The following ESRRG variants were observed in gnomAD, a reference collection of about 807,000 sequenced individuals.
The protein encoded by ESRRG is estrogen related receptor gamma.
Under a neutral mutation model 44.0 loss-of-function variants are expected in ESRRG, and 13 were observed. That is an observed-to-expected ratio of 0.30 (90% CI 0.19 to 0.47). The LOEUF (loss-of-function observed/expected upper bound fraction) is 0.47. Ranked by LOEUF, ESRRG falls within the 20% of genes least tolerant of loss-of-function variation. ESRRG has a pLI of 1.00. For synonymous variants in ESRRG, 215 were observed against 214.6 expected, an observed-to-expected ratio of 1.00 and a Z score of -0.02; for missense variants, 395 against 580.6, an observed-to-expected ratio of 0.68 and a Z score of 3.29.
At chr1:216,690,427 G>A (rs2078853141) in intron 1 of ESRRG, among the ~76,000 whole-genome samples, 1 of 152,110 alleles carries the variant, frequency 6.6e-6, no homozygotes, top group South Asian at 2.1e-4. Flanking sequence ...ATTCTGTGAT[G>A]TTCCAGAACA....
chr1:217,131,332 GA>G (rs113025776), intron 1 of ESRRG, among the ~76,000 whole-genome samples: 10,484 of 139,878 alleles, frequency 0.075, 503 homozygotes, highest in African/African-American at 0.13. Flanking sequence ...AAATAGCAAA[GA>G]AAAAAAAAAA....
chr1:216,694,946 C>A (rs1046539254), intron 1 of ESRRG, among the ~76,000 whole-genome samples: 1 of 152,070 alleles, frequency 6.6e-6, no homozygotes, highest in African/African-American at 2.4e-5. Flanking sequence ...AAGCCTATAA[C>A]CTGGTAAACA....
chr1:216,815,666 C>G (rs2095112495), intron 2 of ESRRG, among the ~76,000 whole-genome samples: 1 of 152,150 alleles, frequency 6.6e-6, no homozygotes, highest in Non-Finnish European at 1.5e-5. Context: ...CAACTGAACC[C>G]GAGACATTTG....
intron 2 of ESRRG, among the ~76,000 whole-genome samples, chr1:216,913,185 C>G (rs1332263030): frequency 6.6e-6 from 1 of 150,498 alleles, no homozygotes; most frequent in Non-Finnish European, 1.5e-5. Context: ...ATAGTTGCAT[C>G]TCTACTCAAC....
intron 2 of ESRRG, among the ~76,000 whole-genome samples, chr1:216,790,620 C>T (rs150844618): frequency 3.9e-5 from 6 of 152,150 alleles, no homozygotes; most frequent in African/African-American, 1.2e-4. Flanking sequence ...ATATATAGTA[C>T]ATTTTTCAGA....
chr1:217,018,454 C>T (rs2079771687), intron 1 of ESRRG, among the ~76,000 whole-genome samples: 1 of 152,136 alleles, frequency 6.6e-6, no homozygotes, highest in Admixed American at 6.5e-5. Context: ...CATAATTCTA[C>T]TCAACAAAGA....
chr1:217,113,307 T>C (rs576155698), intron 1 of ESRRG, among the ~76,000 whole-genome samples: 3 of 152,260 alleles, frequency 2.0e-5, no homozygotes, highest in Admixed American at 6.5e-5. Context: ...ACTGGCAACA[T>C]GTGACTGGCT....
chr1:216,686,226 G>T (rs937916329), intron 1 of ESRRG: 15 of 151,938 alleles, frequency 9.9e-5, no homozygotes, highest in Non-Finnish European at 1.3e-4. Flanking sequence ...GGGAGGAGGG[G>T]AACTCAGCTA....
At chr1:216,623,552 G>A (rs570096589) in intron 3 of ESRRG, among the ~76,000 whole-genome samples, 50 of 152,132 alleles carry the variant, frequency 3.3e-4, no homozygotes, top group African/African-American at 1.2e-3. Flanking sequence ...ACTATTGAGG[G>A]ACCAAGGAAA....
chr1:216,819,193 A>G (rs546500424), intron 2 of ESRRG, among the ~76,000 whole-genome samples: 1 of 152,102 alleles, frequency 6.6e-6, no homozygotes, highest in East Asian at 1.9e-4. Flanking sequence ...ACTGGTTTAC[A>G]CTCCCACCAA....
intron 1 of ESRRG, among the ~76,000 whole-genome samples, chr1:216,716,882 A>C (rs1215598606): frequency 6.6e-6 from 1 of 151,894 alleles, no homozygotes; most frequent in African/African-American, 2.4e-5. Context: ...GCTACATTCA[A>C]ATGCACATAT....
intron 5 of ESRRG, among the ~76,000 whole-genome samples, chr1:216,528,905 A>G (rs1023131163): frequency 3.3e-5 from 5 of 152,106 alleles, no homozygotes; most frequent in Admixed American, 6.6e-5. Flanking sequence ...AGTACTTGCA[A>G]CACTACAGTC....
chr1:217,116,993 C>T (rs922945854), intron 1 of ESRRG, among the ~76,000 whole-genome samples: 4 of 152,074 alleles, frequency 2.6e-5, no homozygotes, highest in Non-Finnish European at 2.9e-5. Context: ...AAATGCTTAC[C>T]TTATAGGACT....
chr1:216,739,460 T>C (rs2152211993), intron 2 of ESRRG, among the ~76,000 whole-genome samples: 1 of 152,284 alleles, frequency 6.6e-6, no homozygotes, highest in East Asian at 1.9e-4. Context: ...GCTCAGTGGG[T>C]TTAACTGATA....
chr1:216,732,853 G>A (rs1339784116), intron 2 of ESRRG, among the ~76,000 whole-genome samples: 2 of 147,018 alleles, frequency 1.4e-5, no homozygotes, highest in South Asian at 2.3e-4. Flanking sequence ...AAAAAAAGGG[G>A]GGGGAGGAGG....
intron 1 of ESRRG, among the ~76,000 whole-genome samples, chr1:217,052,504 T>C (rs2086245111): frequency 1.3e-5 from 2 of 152,196 alleles, no homozygotes; most frequent in Admixed American, 6.5e-5. Flanking sequence ...CAGGTTAGAA[T>C]GTTACTCTGT....
chr1:217,052,673 C>T (rs916612618), intron 1 of ESRRG, among the ~76,000 whole-genome samples: 1 of 152,194 alleles, frequency 6.6e-6, no homozygotes. Flanking sequence ...GGGACAACTG[C>T]TAGTCAATAA....
At chr1:216,809,632 T>C (rs1046322201) in intron 2 of ESRRG, among the ~76,000 whole-genome samples, 3 of 152,210 alleles carry the variant, frequency 2.0e-5, no homozygotes, top group South Asian at 2.1e-4. Flanking sequence ...CAGAAATGTT[T>C]TCTTCAGTTT....
chr1:216,644,583 C>T (rs754836921), intron 3 of ESRRG, among the ~76,000 whole-genome samples: 19 of 151,848 alleles, frequency 1.3e-4, no homozygotes, highest in Admixed American at 2.0e-4. Context: ...TGTGTGCCAC[C>T]ACACCTTGTT....
Sources: gnomAD v4.1 joint callset for allele counts (sites outside exome capture counted in the v4.1 genomes callset) on GRCh38, gnomAD v4.1.1 for gene constraint, MANE v1.5 for transcripts, NCBI Gene and HGNC (gene_info 2026-07-23, HGNC 2026-07-21) for gene names.